The following KCNB2 variants were observed in gnomAD, a reference collection of about 807,000 sequenced individuals.
The protein encoded by KCNB2 is potassium voltage-gated channel subfamily B member 2, also known as delayed rectifier potassium channel protein.
In KCNB2, 15 loss-of-function variants were observed where a neutral mutation model predicts 61.5. The ratio of observed to expected loss-of-function variants is 0.24; its 90% CI spans 0.16 to 0.38. The LOEUF (loss-of-function observed/expected upper bound fraction) is 0.38, where lower values mean the gene tolerates loss of function less well. Among genes scored for constraint, KCNB2 ranks in the 10% least tolerant of loss-of-function variants. KCNB2 has a pLI of 1.00. For missense variants in KCNB2, 828 were observed against 1,125.2 expected (o/e 0.74, Z 3.78); for synonymous variants, 457 against 446.0 (o/e 1.02, Z -0.31).
intron 2 of KCNB2, among the ~76,000 whole-genome samples, chr8:72,757,364 T>TGAGGAA (rs1160557702): frequency 6.6e-6 from 1 of 152,068 alleles, no homozygotes; most frequent in Non-Finnish European, 1.5e-5. Flanking sequence ...AGACAGCAAA[T>TGAGGAA]ACAGATTACT....
chr8:72,743,980 C>T (rs893827412), intron 2 of KCNB2, among the ~76,000 whole-genome samples: 1 of 152,208 alleles, frequency 6.6e-6, no homozygotes, highest in South Asian at 2.1e-4. Context: ...TCACCAATTT[C>T]TTTATCAGAT....
chr8:72,768,631 C>A (rs1028689662), intron 2 of KCNB2, among the ~76,000 whole-genome samples: 4 of 152,054 alleles, frequency 2.6e-5, no homozygotes, highest in Admixed American at 6.6e-5. Context: ...CATTAGAAAT[C>A]ATTCTAATCC....
intron 2 of KCNB2, among the ~76,000 whole-genome samples, chr8:72,569,896 A>C (rs1251621600): frequency 1.3e-5 from 2 of 152,204 alleles, no homozygotes; most frequent in Non-Finnish European, 2.9e-5. Flanking sequence ...AAAGCAATTA[A>C]GTCAAAGAAA....
intron 2 of KCNB2, among the ~76,000 whole-genome samples, chr8:72,726,273 C>T (rs1563572300): frequency 1.3e-5 from 2 of 152,140 alleles, no homozygotes; most frequent in Non-Finnish European, 2.9e-5. Context: ...GAAGAGACCC[C>T]TCAGCAGAAA....
At chr8:72,720,543 T>C (rs1261595649) in intron 2 of KCNB2, among the ~76,000 whole-genome samples, 2 of 152,192 alleles carry the variant, frequency 1.3e-5, no homozygotes, top group Admixed American at 1.3e-4. Context: ...CATATTTGTT[T>C]CCTCACTGTA....
intron 2 of KCNB2, among the ~76,000 whole-genome samples, chr8:72,901,014 C>T (rs1033102130): frequency 3.9e-5 from 6 of 152,144 alleles, no homozygotes; most frequent in Admixed American, 6.6e-5. Flanking sequence ...ATAAATCATT[C>T]TACCAAAATA....
intron 2 of KCNB2, among the ~76,000 whole-genome samples, chr8:72,643,139 A>G (rs1806081058): frequency 6.6e-6 from 1 of 152,094 alleles, no homozygotes; most frequent in African/African-American, 2.4e-5. Context: ...TGCCTTCCAC[A>G]CACCCTTTCC....
At chr8:72,657,212 T>G (rs1806305538) in intron 2 of KCNB2, among the ~76,000 whole-genome samples, 1 of 152,166 alleles carries the variant, frequency 6.6e-6, no homozygotes, top group Admixed American at 6.6e-5. Flanking sequence ...TGGTCAATTA[T>G]ACAGGAATTT....
chr8:72,890,033 CA>C (rs1289694154), intron 2 of KCNB2, among the ~76,000 whole-genome samples: 1 of 152,124 alleles, frequency 6.6e-6, no homozygotes, highest in Non-Finnish European at 1.5e-5. Context: ...AGGCGTGAGC[CA>C]ACATGCACGG....
At chr8:72,725,087 T>A (rs918786687) in intron 2 of KCNB2, among the ~76,000 whole-genome samples, 6 of 152,148 alleles carry the variant, frequency 3.9e-5, no homozygotes, top group Non-Finnish European at 7.4e-5. Flanking sequence ...AAAAAATATG[T>A]TTAAAAAAGA....
intron 2 of KCNB2, among the ~76,000 whole-genome samples, chr8:72,748,981 C>G (rs1808134949): frequency 6.6e-6 from 1 of 152,024 alleles, no homozygotes; most frequent in South Asian, 2.1e-4. Flanking sequence ...AAATTTTGTA[C>G]CCTTTGACCA....
chr8:72,660,834 T>C (rs1010951392), intron 2 of KCNB2: 1 of 152,184 alleles, frequency 6.6e-6, no homozygotes, highest in Middle Eastern at 3.2e-3. Flanking sequence ...TTAATGAAAA[T>C]TCATTCTTTA....
At chr8:72,707,018 A>G (rs79690535) in intron 2 of KCNB2, among the ~76,000 whole-genome samples, 1 of 152,168 alleles carries the variant, frequency 6.6e-6, no homozygotes, top group East Asian at 1.9e-4. Flanking sequence ...TCCACTCTGC[A>G]TATTACCTTG....
intron 2 of KCNB2, among the ~76,000 whole-genome samples, chr8:72,874,351 T>C (rs1805668491): frequency 6.6e-6 from 1 of 152,188 alleles, no homozygotes; most frequent in South Asian, 2.1e-4. Flanking sequence ...CCAGCCATGA[T>C]GAACACTGAC....
chr8:72,840,484 C>G (rs2129002558), intron 2 of KCNB2, among the ~76,000 whole-genome samples: 1 of 152,240 alleles, frequency 6.6e-6, no homozygotes, highest in Non-Finnish European at 1.5e-5. Context: ...TGGAAGCACA[C>G]TGTCTTCCAC....
At chr8:72,692,094 G>A (rs1806948573) in intron 2 of KCNB2, among the ~76,000 whole-genome samples, 1 of 151,926 alleles carries the variant, frequency 6.6e-6, no homozygotes, top group African/African-American at 2.4e-5. Flanking sequence ...AAATTAGCCA[G>A]ACGTGGTGGT....
chr8:72,554,399 T>C (rs1806389247), intron 1 of KCNB2, among the ~76,000 whole-genome samples: 1 of 152,194 alleles, frequency 6.6e-6, no homozygotes, highest in Non-Finnish European at 1.5e-5. Flanking sequence ...GTAGAAATTA[T>C]AGACTTATGT....
intron 2 of KCNB2, among the ~76,000 whole-genome samples, chr8:72,717,156 C>A (rs567667973): frequency 6.6e-6 from 1 of 152,112 alleles, no homozygotes; most frequent in East Asian, 1.9e-4. Flanking sequence ...CTCAATGAAA[C>A]AAAAGAGGCT....
intron 2 of KCNB2, among the ~76,000 whole-genome samples, chr8:72,587,898 C>T (rs966783161): frequency 3.3e-5 from 5 of 152,162 alleles, no homozygotes; most frequent in African/African-American, 1.2e-4. Flanking sequence ...TGTCCATGAG[C>T]TGCAGCCAGA....
Sources: allele counts gnomAD v4.1 joint callset (sites outside exome capture counted in the v4.1 genomes callset), GRCh38; gene constraint gnomAD v4.1.1; transcripts MANE v1.5; gene names NCBI Gene and HGNC (gene_info 2026-07-23, HGNC 2026-07-21).